MARCHF10: variants seen among roughly 807,000 people sequenced by gnomAD.
MARCHF10 encodes membrane associated ring-CH-type finger 10, also known as probable E3 ubiquitin-protein ligase MARCHF10.
MARCHF10 carries 64 observed loss-of-function variants against 76.2 expected under a neutral mutation model. The ratio of observed to expected loss-of-function variants is 0.84; its 90% CI spans 0.69 to 1.03. The LOEUF (loss-of-function observed/expected upper bound fraction) is 1.03, where lower values mean the gene tolerates loss of function less well. MARCHF10 is among the 50% of genes least tolerant of loss of function. The pLI is 0.00. For missense variants in MARCHF10, 875 were observed against 958.0 expected (o/e 0.91, Z 1.14); for synonymous variants, 340 against 357.5 (o/e 0.95, Z 0.55).
rs751581348 is a variant in MARCHF10, at chr17:62,744,392, C to T, written c.519G>A (p.Pro173=). 1.9e-5 allele frequency: 30 copies of T among 1,613,834 alleles called. No individual in the cohort carries two copies. Among genetic ancestry groups the T allele is most frequent in the South Asian group, 7.7e-5 (7 of 90,998 alleles). Residue 173 remains proline (P), a synonymous_variant, in exon 5 of 11, where the codon CCG becomes CCA. Coordinates refer to ENST00000311269, the MANE Select transcript of MARCHF10 (RefSeq NM_152598.4). ...GGTCCTTACCTGCTCCCCTGGGAAC[C>T]GGCACCTTTGCAGGCCACTGCTGTT... The part of the protein sequence containing the change: ...RQKQQWPAKV[P]VPRGADQVVQ...
At chr17:62,714,392 A>G in intron 8 of MARCHF10, 1 of 985,028 alleles carries the variant, frequency 1.0e-6, no homozygotes. Context: ...GCATGATAGT[A>G]AAGTGAGCTA....
At chr17:62,762,157 A>G (rs1282409021) in intron 3 of MARCHF10, among the ~76,000 whole-genome samples, 1 of 152,034 alleles carries the variant, frequency 6.6e-6, no homozygotes, top group Admixed American at 6.6e-5. Flanking sequence ...TAGGGAGGAG[A>G]CCTTTATTGG....
intron 10 of MARCHF10, chr17:62,705,011 A>T (rs2089490780): frequency 1.0e-6 from 1 of 984,132 alleles, no homozygotes; most frequent in Non-Finnish European, 1.2e-6. Context: ...GTTTGCAGAG[A>T]GCCGTCTTGC....
intron 4 of MARCHF10, among the ~76,000 whole-genome samples, chr17:62,755,561 A>G (rs2092016491): frequency 6.6e-6 from 1 of 152,164 alleles, no homozygotes; most frequent in African/African-American, 2.4e-5. Context: ...ACATGTAACT[A>G]AGAACATGTA....
chr17:62,784,842 G>A (rs1338092739), intron 3 of MARCHF10, among the ~76,000 whole-genome samples: 1 of 152,138 alleles, frequency 6.6e-6, no homozygotes, highest in African/African-American at 2.4e-5. Context: ...TCTTCAAGGA[G>A]AACTACAAAC....
intron 8 of MARCHF10, chr17:62,714,314 G>T: frequency 1.2e-6 from 1 of 818,626 alleles, no homozygotes; most frequent in Non-Finnish European, 1.5e-6. Context: ...AGTTTTAACT[G>T]TGCAGGACCA....
chr17:62,736,287 G>T lies in MARCHF10; in HGVS notation c.1581C>A (p.Asn527Lys), dbSNP rs1243265840. The T allele has an allele frequency of 6.2e-7, 1 of 1,614,050 alleles. No individual in the cohort carries two copies. Among genetic ancestry groups the T allele is most frequent in the Non-Finnish European group, 8.5e-7 (1 of 1,180,036 alleles). Residue 527 changes from asparagine to lysine, a missense_variant, in exon 6 of 11, where the codon AAC becomes AAA. Asn to Lys is a moderately conservative substitution (Grantham distance 94, BLOSUM62 0). Transcript: ENST00000311269. ...RNRTPFASAE[N>K]HNYFPVNSAH... The stretch of plus-strand genomic sequence containing the variant: ...CACTGTTTACTGGGAAATAATTATG[G>T]TTTTCGGCACTGGCAAATGGAGTCC...
chr17:62,792,135 C>A (rs978927623), intron 2 of MARCHF10, among the ~76,000 whole-genome samples: 2 of 151,932 alleles, frequency 1.3e-5, no homozygotes, highest in South Asian at 2.1e-4. Flanking sequence ...CCCCCCACCC[C>A]CCTAGTGCGT....
intron 2 of MARCHF10, among the ~76,000 whole-genome samples, chr17:62,791,309 G>GCCGT (rs1396834411): frequency 2.0e-5 from 3 of 152,222 alleles, no homozygotes; most frequent in Non-Finnish European, 4.4e-5. Flanking sequence ...AGATGTCTGT[G>GCCGT]CCGTCCTAAC....
chr17:62,807,135 C>A (rs997204388), intron 1 of MARCHF10, among the ~76,000 whole-genome samples: 1 of 152,092 alleles, frequency 6.6e-6, no homozygotes, highest in Non-Finnish European at 1.5e-5. Context: ...ACCTTTTCCC[C>A]AATTGATTAA....
rs2093189479 is a variant in MARCHF10, at chr17:62,808,079, G to A, written c.-20C>T. ...GGCGGGGGCGAGGGGGCCGTTACCTGTGGGTCTGCCCTTCCTCCCCTGCCG... is the reference window on the plus strand; with the variant it reads ...GGCGGGGGCGAGGGGGCCGTTACCTATGGGTCTGCCCTTCCTCCCCTGCCG... On this transcript the variant is annotated splice_region_variant and 5_prime_UTR_variant, in exon 1 of 11. Transcript: ENST00000311269. 6.6e-6 allele frequency: 1 copy of A among 151,652 alleles called. No individual in the cohort carries two copies. The highest frequency in any genetic ancestry group is 2.1e-4 in the South Asian group (1 of 4,800). The allele number at this position is 151,652 out of a possible 1,614,324, so 9.4% of individuals were successfully genotyped here.
chr17:62,753,481 A>G (rs1423627346), intron 4 of MARCHF10, among the ~76,000 whole-genome samples: 1 of 152,200 alleles, frequency 6.6e-6, no homozygotes, highest in Non-Finnish European at 1.5e-5. Context: ...GTTCTGAGCC[A>G]GTCAGTCTGG....
chr17:62,784,337 A>G (rs2092711448), intron 3 of MARCHF10, among the ~76,000 whole-genome samples: 1 of 152,210 alleles, frequency 6.6e-6, no homozygotes, highest in Admixed American at 6.5e-5. Context: ...CTCATGCTAA[A>G]AACTCTCAGT....
chr17:62,776,969 C>T (rs2092564453), intron 3 of MARCHF10, among the ~76,000 whole-genome samples: 1 of 152,196 alleles, frequency 6.6e-6, no homozygotes, highest in Non-Finnish European at 1.5e-5. Flanking sequence ...TCCGGGGTTT[C>T]AAGAGGGTCT....
rs552071657 is a variant in MARCHF10, at chr17:62,754,631, G to C, written c.382+5204C>G. Among the ~76,000 whole-genome samples, 19 of 152,122 alleles carry C rather than the reference G, an allele frequency of 1.2e-4. No individual in the cohort carries two copies. In the East Asian group the frequency reaches 2.7e-3, roughly 22 times the overall value. ...AGAAGTTGTCCGCTCACATTTATGG[G>C]GTTATAAAGTGATAGCACCAGGATT... On this transcript the variant is annotated intron_variant, in intron 4 of 10. Transcript: ENST00000311269.
chr17:62,763,839 A>C (rs1205976476), intron 3 of MARCHF10, among the ~76,000 whole-genome samples: 1 of 152,246 alleles, frequency 6.6e-6, no homozygotes, highest in Non-Finnish European at 1.5e-5. Flanking sequence ...TGACGAAATC[A>C]GTATTTTCTT....
intron 1 of MARCHF10, chr17:62,806,307 T>C (rs1337954694): frequency 6.6e-6 from 1 of 152,220 alleles, no homozygotes; most frequent in Admixed American, 6.5e-5. Flanking sequence ...CTCAACCAGA[T>C]GGCCACTTGA....
chr17:62,736,631 C>T lies in MARCHF10; in HGVS notation c.1237G>A (p.Val413Ile). 1 of 1,614,200 alleles carries T rather than the reference C, an allele frequency of 6.2e-7. No homozygotes were observed. Among genetic ancestry groups the T allele is most frequent in the South Asian group, 1.1e-5 (1 of 91,082 alleles). ...WDTKSEPRQEVGVNAENVWSD... is the reference protein window; with the variant it reads ...WDTKSEPRQEIGVNAENVWSD... ...CATACATTTTCAGCATTGACACCAACCTCTTGTCTGGGCTCGGATTTGGTG... is the reference window on the plus strand; with the variant it reads ...CATACATTTTCAGCATTGACACCAATCTCTTGTCTGGGCTCGGATTTGGTG... The change falls in exon 6 of 11, where the codon GTT becomes ATT. Residue 413 changes from valine to isoleucine, a missense_variant. Physicochemically the swap from Val to Ile is conservative, Grantham distance 29. Transcript: ENST00000311269.
At chr17:62,793,254 TATCACCACCCACCACCACCACAACC>T (rs2092907551) in intron 2 of MARCHF10, among the ~76,000 whole-genome samples, 1 of 31,600 alleles carries the variant, frequency 3.2e-5, no homozygotes, top group South Asian at 9.7e-4. Context: ...CCACCACAAC[TATCACCACCCACCACCACCACAACC>T]ATCACCACCC....
Sources: gnomAD v4.1 joint callset for allele counts (sites outside exome capture counted in the v4.1 genomes callset) on GRCh38, gnomAD v4.1.1 for gene constraint, MANE v1.5 for transcripts, NCBI Gene and HGNC (gene_info 2026-07-23, HGNC 2026-07-21) for gene names.